OSBP: variants seen among roughly 807,000 people sequenced by gnomAD.
The protein encoded by OSBP is oxysterol binding protein.
Under a neutral mutation model 96.6 loss-of-function variants are expected in OSBP, and 32 were observed. The ratio of observed to expected loss-of-function variants is 0.33; its 90% confidence interval spans 0.25 to 0.45. OSBP has a LOEUF of 0.45. Ranked by LOEUF, OSBP falls within the 20% of genes least tolerant of loss-of-function variation. The pLI is 1.00. For synonymous variants in OSBP, 369 were observed against 389.6 expected (o/e 0.95, Z 0.62); for missense variants, 653 against 1,029.7 (o/e 0.63, Z 5.01).
chr11:59,608,082 G>A (rs2069522995), intron 3 of OSBP, among the ~76,000 whole-genome samples: 1 of 152,096 alleles, frequency 6.6e-6, no homozygotes, highest in Admixed American at 6.6e-5. Flanking sequence ...GGGACTCAGG[G>A]AGATCTTTTA....
At chr11:59,603,000 T>G (rs1860740957) in intron 3 of OSBP, among the ~76,000 whole-genome samples, 1 of 152,210 alleles carries the variant, frequency 6.6e-6, no homozygotes, top group African/African-American at 2.4e-5. Context: ...CTATCCCCTG[T>G]TTCTAAGAAA....
chr11:59,600,709 A>G, intron 6 of OSBP, 82 bp from the exon 7 acceptor site: 1 of 1,571,608 alleles, frequency 6.4e-7, no homozygotes, highest in Non-Finnish European at 8.6e-7. Flanking sequence ...CCCGTGCTAA[A>G]AAAAGAAAAA....
At chr11:59,592,004 T>C (rs17153952) in intron 9 of OSBP, among the ~76,000 whole-genome samples, 4,987 of 152,256 alleles carry the variant, frequency 0.033, 231 homozygotes, top group African/African-American at 0.1. Flanking sequence ...TAACCACCCA[T>C]GGAATGAAAT....
At chr11:59,593,768 A>G in intron 8 of OSBP, 44 bp from the exon 9 acceptor site, 1 of 1,610,902 alleles carries the variant, frequency 6.2e-7, no homozygotes, top group Non-Finnish European at 8.5e-7. Context: ...AAAGGAGAAG[A>G]AAAAGATACT....
chr11:59,593,974 G>C (rs1363189800), intron 8 of OSBP, 36 bp downstream of exon 8: 2 of 1,603,584 alleles, frequency 1.2e-6, no homozygotes, highest in East Asian at 4.5e-5. Context: ...TCTTTCTTCA[G>C]AAAGGAAATG....
chr11:59,606,632 C>T (rs145749998), intron 3 of OSBP, among the ~76,000 whole-genome samples: 237 of 152,194 alleles, frequency 1.6e-3, no homozygotes, highest in African/African-American at 5.6e-3. Flanking sequence ...CTCAGCATCA[C>T]GCAATATACC....
At chr11:59,601,435 G>A in intron 4 of OSBP, 50 bp from the exon 5 acceptor site, 1 of 1,355,182 alleles carries the variant, frequency 7.4e-7, no homozygotes, top group Non-Finnish European at 1.1e-6. Context: ...TTTACCAAAT[G>A]TCTGATATAG....
Position 59,575,908 on chromosome 11 carries a change from GAAC to G in OSBP, c.*666_*668del, listed in dbSNP as rs1860356021. 1 of 152,126 alleles carries G rather than the reference GAAC, an allele frequency of 6.6e-6. No individual in the cohort carries two copies. Among genetic ancestry groups the G allele is most frequent in the African/African-American group, 2.4e-5 (1 of 41,402 alleles). 9.4% of individuals were successfully genotyped at this position (152,126 alleles called of 1,614,324 possible). On this transcript the variant is annotated 3_prime_UTR_variant, in exon 14 of 14. Coordinates refer to ENST00000263847, the MANE Select transcript of OSBP (RefSeq NM_002556.3). ...TCCAGTTGCTATTAAAGATGATGGA[GAAC>G]AACAGAGGGGTGTTTGATGCAAGTA...
chr11:59,593,960 C>A, intron 8 of OSBP, 50 bp downstream of exon 8: 1 of 1,597,530 alleles, frequency 6.3e-7, no homozygotes, highest in South Asian at 1.1e-5. Context: ...ACCAAAAAAT[C>A]ATCTCTTTCT....
rs780534730 is a variant in OSBP, at chr11:59,601,269, C to A, written c.1124+14G>T. The A allele has an allele frequency of 6.9e-7, 1 of 1,454,366 alleles. No individual in the cohort carries two copies. The highest frequency in any genetic ancestry group is 1.7e-5 in the Admixed American group (1 of 59,688). 90.1% of individuals were successfully genotyped at this position (1,454,366 alleles called of 1,614,324 possible). Reference sequence around the variant, plus strand: ...AGATATGTTTATTTGCTTCAACAATCAAGGATAACTCACTTGTGGCCCAAA... The same window carrying A: ...AGATATGTTTATTTGCTTCAACAATAAAGGATAACTCACTTGTGGCCCAAA... On this transcript the variant is annotated intron_variant, in intron 5 of 13. Transcript: ENST00000263847.
chr11:59,597,596 G>C (rs1019219592), intron 7 of OSBP, among the ~76,000 whole-genome samples: 2 of 152,054 alleles, frequency 1.3e-5, no homozygotes, highest in Admixed American at 1.3e-4. Flanking sequence ...CTGGAGTGCA[G>C]TGGTGAGATC....
chr11:59,593,802 C>G, intron 8 of OSBP, 78 bp from the exon 9 acceptor site: 1 of 1,577,280 alleles, frequency 6.3e-7, no homozygotes, highest in South Asian at 1.1e-5. Flanking sequence ...TGAGAAACAC[C>G]AAAATTCACA....
At chr11:59,590,585 G>A (rs1389237082) in intron 9 of OSBP, among the ~76,000 whole-genome samples, 1 of 152,146 alleles carries the variant, frequency 6.6e-6, no homozygotes, top group African/African-American at 2.4e-5. Context: ...CCCATAATGA[G>A]CACTCAACAA....
At chr11:59,580,292 T>TA in intron 10 of OSBP, 23 bp from the exon 11 acceptor site, 2 of 1,470,562 alleles carry the variant, frequency 1.4e-6, no homozygotes, top group Non-Finnish European at 1.9e-6. Flanking sequence ...AAAATTCAGT[T>TA]TTATTAAGAC....
intron 9 of OSBP, among the ~76,000 whole-genome samples, chr11:59,590,958 T>A (rs1860571399): frequency 6.6e-6 from 1 of 152,232 alleles, no homozygotes; most frequent in Non-Finnish European, 1.5e-5. Flanking sequence ...CCCATGAAGA[T>A]GGGGATTTTT....
chr11:59,605,097 G>C (rs1380813807), intron 3 of OSBP, among the ~76,000 whole-genome samples: 1 of 151,106 alleles, frequency 6.6e-6, no homozygotes, highest in East Asian at 2.0e-4. Context: ...AGGTTACAGT[G>C]AGCTGAGATC....
intron 3 of OSBP, among the ~76,000 whole-genome samples, chr11:59,603,261 G>C (rs1478009816): frequency 1.3e-5 from 2 of 152,078 alleles, no homozygotes; most frequent in Non-Finnish European, 2.9e-5. Context: ...TACATAATAG[G>C]GATCTGATAA....
At chr11:59,603,292 AAAGG>A (rs1437408922) in intron 3 of OSBP, among the ~76,000 whole-genome samples, 2 of 152,182 alleles carry the variant, frequency 1.3e-5, no homozygotes, top group African/African-American at 4.8e-5. Flanking sequence ...ATAAATAAAT[AAAGG>A]AAGGAGGCAA....
chr11:59,576,585 T>G lies in OSBP; in HGVS notation c.2416A>C (p.Ile806Leu). ...EKQDWSSCPD[I>L]F The stretch of plus-strand genomic sequence containing the variant: ...TTTTTGTTACTGCCGTTTCAGAAAA[T>G]GTCCGGGCATGAGCTCCAGTCCTGT... The change falls in exon 14 of 14, where the codon ATT becomes CTT. Residue 806 changes from isoleucine (I) to leucine (L), a missense_variant. Physicochemically the swap from Ile to Leu is conservative, Grantham distance 5. This residue lies in a region of OSBP where 169 missense variants were observed against 251.5 expected (regional missense o/e 0.67). Transcript: ENST00000263847. The G allele has an allele frequency of 6.2e-7, 1 of 1,612,314 alleles. No homozygotes were observed. The highest frequency in any genetic ancestry group is 1.1e-5 in the South Asian group (1 of 90,708).
Sources: gnomAD v4.1 joint callset for allele counts (sites outside exome capture counted in the v4.1 genomes callset) on GRCh38, gnomAD v4.1.1 for gene constraint, gnomAD v4.1.1 regional missense constraint, MANE v1.5 for transcripts, NCBI Gene and HGNC (gene_info 2026-07-23, HGNC 2026-07-21) for gene names.